AP3D1: variants seen among roughly 807,000 people sequenced by gnomAD.
AP3D1 encodes the protein AP-3 complex subunit delta-1.
In AP3D1, 51 loss-of-function variants were observed where a neutral mutation model predicts 147.6. The ratio of observed to expected loss-of-function variants is 0.35; its 90% CI spans 0.28 to 0.44. AP3D1 has a LOEUF of 0.44. Ranked by LOEUF, AP3D1 falls within the 20% of genes least tolerant of loss-of-function variation. The pLI, the probability that AP3D1 is intolerant of heterozygous loss-of-function variation, is 1.00. For synonymous variants in AP3D1, 760 were observed against 663.0 expected (o/e 1.15, Z -2.25); for missense variants, 1,421 against 1,624.2 (o/e 0.87, Z 2.15).
chr19:2,106,802 G>C (rs547049724), intron 31 of AP3D1, among the ~76,000 whole-genome samples: 4 of 152,290 alleles, frequency 2.6e-5, no homozygotes, highest in African/African-American at 9.6e-5. Flanking sequence ...GCCAGACACA[G>C]AAGGATACAT....
In AP3D1 at chr19:2,118,751, C is replaced by G; in HGVS notation, c.1563G>C (p.Val521=). 1 of 1,613,836 alleles carries G rather than the reference C, an allele frequency of 6.2e-7. No individual in the cohort carries two copies. The highest frequency in any genetic ancestry group is 1.1e-5 in the South Asian group (1 of 91,090). The change falls in exon 15 of 32, where the codon GTG becomes GTC. Residue 521 remains valine (V), a synonymous_variant. Transcript: ENST00000643116. ...VTTLPGHIQA[V]YVQNVVKLYA... is the part of the protein sequence containing the mutation. ...AGAGCTTGACCACGTTCTGCACATA[C>G]ACGGCCTGGATGTGGCCTGGCAGCG...
rs200015591 is a variant in AP3D1 at position 2,126,671 on chromosome 19, AG to A, written c.856+480del. 1.9e-3 allele frequency among the ~76,000 whole-genome samples: 283 copies of A among 148,644 alleles called. 8 individuals are homozygous for A. Among genetic ancestry groups the A allele is most frequent in the African/African-American group, 5.3e-3 (211 of 39,848 alleles). On this transcript the variant is annotated intron_variant, in intron 9 of 31. Transcript: ENST00000643116. ...CTGCCTCAAAAAAAAAAAAAAAAAA[AG>A]AAAGAAAAAGAAAATATTTTTGTGG...
chr19:2,116,606 C>A lies in AP3D1; in HGVS notation c.2000G>T (p.Arg667Leu). The A allele has an allele frequency of 6.3e-7, 1 of 1,589,162 alleles. No homozygotes were observed. Among genetic ancestry groups the A allele is most frequent in the East Asian group, 2.3e-5 (1 of 44,054 alleles). Residue 667 changes from arginine to leucine, a missense_variant and splice_region_variant, in exon 17 of 32, where the codon CGG becomes CTG. Arg to Leu is a moderately radical substitution (Grantham distance 102, BLOSUM62 -2). Transcript: ENST00000643116. ...CGCCAGGGGCAGCCAGCAGCTCACC[C>A]GAGCCAGCTCTTCCTCGTCCGCCTC... ...PSEADEEELARRREARKQEQA... is the reference protein window; with the variant it reads ...PSEADEEELALRREARKQEQA...
In AP3D1 at chr19:2,114,135, T is replaced by G. The variant is rs1257828286; in HGVS notation, c.2591A>C (p.Lys864Thr). The change falls in exon 22 of 32, where the codon AAG becomes ACG. Residue 864 changes from lysine (K) to threonine (T), a missense_variant. Physicochemically the swap from Lys to Thr is moderately conservative, Grantham distance 78. Transcript: ENST00000643116. ...GGGCACTAGCCTTACCTTCTTCTCC[T>G]TCTCCTTCTTCTTCTCCTTGTCTCT... ...KERDKEKKKE[K>T]EKKAEDLDFW... 4 of 1,556,924 alleles carry G rather than the reference T, an allele frequency of 2.6e-6. No individual in the cohort carries two copies. The highest frequency in any genetic ancestry group is 3.5e-6 in the Non-Finnish European group (4 of 1,150,322).
Position 2,116,763 on chromosome 19 carries a change from G to C in AP3D1, c.1860-17C>G. 10 of 1,594,658 alleles carry C rather than the reference G, an allele frequency of 6.3e-6. No homozygotes were observed. The highest frequency in any genetic ancestry group is 8.5e-6 in the Non-Finnish European group (10 of 1,170,578). On this transcript the variant is annotated splice_polypyrimidine_tract_variant and intron_variant, in intron 16 of 31. Transcript: ENST00000643116. The stretch of plus-strand genomic sequence containing the variant: ...AGGTCCAGGCTGCACCGGACAGGAG[G>C]GCCACACAAGGCAGTGTGTGACCGA...
chr19:2,148,890 A>G (rs1298019466), intron 1 of AP3D1, among the ~76,000 whole-genome samples: 1 of 152,230 alleles, frequency 6.6e-6, no homozygotes, highest in South Asian at 2.1e-4. Context: ...ACTGCTGCAG[A>G]AAATGCGCAC....
At position 2,127,179 on chromosome 19, in the gene AP3D1, A is replaced by G. The variant is rs778611216; in HGVS notation, c.829T>C (p.Tyr277His). Residue 277 changes from tyrosine to histidine, a missense_variant, in exon 9 of 32, where the codon TAT becomes CAT. This residue lies in a region of AP3D1 where 292 missense variants were observed against 412.0 expected (regional missense o/e 0.71). Coordinates refer to ENST00000643116, the MANE Select transcript of AP3D1 (RefSeq NM_001261826.3). The stretch of plus-strand genomic sequence containing the variant: ...GCAATCACGGTGTTCACACATTCAT[A>G]GAGGAGAGACATGGCAGACGTGCTA... ...IHSTSAMSLL[Y>H]ECVNTVIAVL... 1 of 1,614,024 alleles carries G rather than the reference A, an allele frequency of 6.2e-7. No homozygotes were observed. Among genetic ancestry groups the G allele is most frequent in the South Asian group, 1.1e-5 (1 of 91,080 alleles).
intron 9 of AP3D1, among the ~76,000 whole-genome samples, chr19:2,126,591 T>C (rs1290541689): frequency 1.3e-5 from 2 of 148,482 alleles, no homozygotes; most frequent in Non-Finnish European, 3.0e-5. Context: ...GAGGCGGAGG[T>C]TGCAGTAAGC....
intron 20 of AP3D1, 90 bp from the exon 21 acceptor site, chr19:2,114,911 G>A (rs1014434111): frequency 1.9e-5 from 27 of 1,396,836 alleles, no homozygotes; most frequent in Middle Eastern, 1.9e-4. Flanking sequence ...GACTGCCCAT[G>A]CGGGCCACAC....
chr19:2,159,951 C>T (rs544777829), intron 1 of AP3D1, among the ~76,000 whole-genome samples: 168 of 152,078 alleles, frequency 1.1e-3, no homozygotes, highest in African/African-American at 3.3e-3. Flanking sequence ...CTCCTGACCC[C>T]GTGATCTGCC....
Position 2,140,333 on chromosome 19 carries a change from G to A in AP3D1, c.97-1619C>T, listed in dbSNP as rs557625288. Among the ~76,000 whole-genome samples the A allele has an allele frequency of 5.3e-5, 8 of 152,234 alleles. No homozygotes were observed. In the South Asian group the frequency reaches 1.7e-3, roughly 32 times the overall value. On this transcript the variant is annotated intron_variant, in intron 1 of 31. Transcript: ENST00000643116. ...CTTCTGGGCGTGCACCCGAGGGGAT[G>A]GAAAACAGGTGTCCAAACAAAAACA...
chr19:2,115,554 G>T lies in AP3D1; in HGVS notation c.2133C>A (p.Val711=). Residue 711 remains valine (V), a synonymous_variant, in exon 19 of 32, where the codon GTC becomes GTA. Transcript: ENST00000643116. Reference sequence around the variant, plus strand: ...GACACTTGCCTGGAACCTTCAAGGGGACGGAGAGGTCAATCTGCACCACGG... The same window carrying T: ...GACACTTGCCTGGAACCTTCAAGGGTACGGAGAGGTCAATCTGCACCACGG... ...HIPVVQIDLS[V]PLKVPGLPMS... 6.2e-7 allele frequency: 1 copy of T among 1,613,334 alleles called. No homozygotes were observed. Among genetic ancestry groups the T allele is most frequent in the Middle Eastern group, 1.6e-4 (1 of 6,062 alleles).
chr19:2,109,327 C>T (rs943713819), intron 29 of AP3D1, 120 bp from the exon 30 acceptor site: 42 of 1,372,742 alleles, frequency 3.1e-5, no homozygotes, highest in Admixed American at 1.9e-4. Flanking sequence ...GTGTCTGGGC[C>T]GGGAGGTCTT....
chr19:2,123,218 C>T (rs2018658980), intron 11 of AP3D1, 140 bp downstream of exon 11: 1 of 886,372 alleles, frequency 1.1e-6, no homozygotes, highest in Non-Finnish European at 1.8e-6. Flanking sequence ...AGAGGGCTGC[C>T]TCTGAGGCAG....
At chr19:2,114,646 TGCCCACCCTGCAGA>T (rs2018388355) in intron 21 of AP3D1, 88 bp downstream of exon 21, 5 of 368,522 alleles carry the variant, frequency 1.4e-5, no homozygotes, top group Middle Eastern at 4.3e-4. Context: ...CACCCCAGCC[TGCCCACCCTGCAGA>T]GCCCGGCCCC....
At chr19:2,158,662 AC>A (rs2019669053) in intron 1 of AP3D1, among the ~76,000 whole-genome samples, 1 of 151,062 alleles carries the variant, frequency 6.6e-6, no homozygotes, top group Non-Finnish European at 1.5e-5. Flanking sequence ...CTGGAGTGCA[AC>A]GGCGCAATCC....
intron 4 of AP3D1, chr19:2,133,552 T>A (rs777565328): frequency 6.6e-6 from 1 of 152,014 alleles, no homozygotes; most frequent in Non-Finnish European, 1.5e-5. Flanking sequence ...TCCCCCAGGC[T>A]GGAATGCAGT....
intron 1 of AP3D1, among the ~76,000 whole-genome samples, chr19:2,146,715 T>TCCA (rs955564049): frequency 2.6e-5 from 4 of 151,868 alleles, no homozygotes; most frequent in Admixed American, 2.0e-4. Context: ...CGCCCTCTGG[T>TCCA]CCACCACCAC....
At chr19:2,162,668 CA>C (rs2019736858) in intron 1 of AP3D1, among the ~76,000 whole-genome samples, 1 of 127,644 alleles carries the variant, frequency 7.8e-6, no homozygotes, top group Admixed American at 7.7e-5. Context: ...TGTCAAAAAA[CA>C]AACCCCCCCA....
Sources: gnomAD v4.1 joint callset for allele counts (sites outside exome capture counted in the v4.1 genomes callset) on GRCh38, gnomAD v4.1.1 for gene constraint, gnomAD v4.1.1 regional missense constraint, MANE v1.5 for transcripts, NCBI Gene and HGNC (gene_info 2026-07-23, HGNC 2026-07-21) for gene names.